The following NELL1 variants were observed in gnomAD, a reference collection of about 807,000 sequenced individuals.
NELL1 encodes the protein protein kinase C-binding protein NELL1.
NELL1 carries 76 observed loss-of-function variants against 107.4 expected under a neutral mutation model. That is an observed-to-expected ratio of 0.71 (90% CI 0.59 to 0.86). NELL1 has a LOEUF of 0.86. Ranked by LOEUF, NELL1 falls within the 40% of genes least tolerant of loss-of-function variation. The pLI, the probability that NELL1 is intolerant of heterozygous loss-of-function variation, is 0.00. For missense variants in NELL1, 1,024 were observed against 1,005.5 expected (o/e 1.02, Z -0.25); for synonymous variants, 353 against 341.2 (o/e 1.03, Z -0.38).
chr11:21,139,794 A>G (rs995449302), intron 13 of NELL1, among the ~76,000 whole-genome samples: 1 of 152,184 alleles, frequency 6.6e-6, no homozygotes, highest in Non-Finnish European at 1.5e-5. Context: ...AAAATAAACA[A>G]TAAGGAAGCT....
At chr11:21,559,384 A>G (rs1472298716) in intron 16 of NELL1, among the ~76,000 whole-genome samples, 2 of 152,084 alleles carry the variant, frequency 1.3e-5, no homozygotes, top group Non-Finnish European at 2.9e-5. Flanking sequence ...CCTTTTGGGG[A>G]AGGACTTAAG....
At chr11:21,480,200 G>T (rs1325317723) in intron 15 of NELL1, among the ~76,000 whole-genome samples, 1 of 152,188 alleles carries the variant, frequency 6.6e-6, no homozygotes, top group African/African-American at 2.4e-5. Flanking sequence ...AGTATAATGA[G>T]AAGTTTTCCT....
chr11:20,969,103 T>G (rs1293930288), intron 12 of NELL1, among the ~76,000 whole-genome samples: 2 of 152,178 alleles, frequency 1.3e-5, no homozygotes, highest in Non-Finnish European at 2.9e-5. Flanking sequence ...CTAGCTTCAG[T>G]TGATTGTGCT....
At chr11:20,944,594 C>T (rs561965039) in intron 10 of NELL1, among the ~76,000 whole-genome samples, 1 of 152,148 alleles carries the variant, frequency 6.6e-6, no homozygotes, top group South Asian at 2.1e-4. Context: ...CGCAGAACTC[C>T]AGGGGTCATA....
chr11:20,828,719 C>T (rs929271676), intron 3 of NELL1, among the ~76,000 whole-genome samples: 1 of 152,204 alleles, frequency 6.6e-6, no homozygotes, highest in African/African-American at 2.4e-5. Flanking sequence ...GTTTTATGCT[C>T]ATCATTTGTT....
intron 12 of NELL1, among the ~76,000 whole-genome samples, chr11:21,005,280 TG>T (rs1852305255): frequency 6.6e-6 from 1 of 152,218 alleles, no homozygotes; most frequent in South Asian, 2.1e-4. Flanking sequence ...TCCAGAGCAT[TG>T]TAGACAATTA....
intron 15 of NELL1, among the ~76,000 whole-genome samples, chr11:21,497,681 TATC>T (rs1174904688): frequency 1.3e-5 from 2 of 152,218 alleles, no homozygotes; most frequent in Admixed American, 6.5e-5. Context: ...ATAAATCAAA[TATC>T]ATATATTATA....
intron 15 of NELL1, among the ~76,000 whole-genome samples, chr11:21,383,210 A>T (rs1009626602): frequency 6.6e-6 from 1 of 152,000 alleles, no homozygotes; most frequent in African/African-American, 2.4e-5. Flanking sequence ...TGAATTGATT[A>T]ATCAAACAGC....
intron 14 of NELL1, among the ~76,000 whole-genome samples, chr11:21,269,752 A>T (rs765324119): frequency 4.6e-5 from 7 of 151,408 alleles, no homozygotes; most frequent in Non-Finnish European, 1.0e-4. Flanking sequence ...AAGAAAGAGC[A>T]TCAGCGAAAG....
chr11:21,213,453 C>G (rs539275206), intron 13 of NELL1, among the ~76,000 whole-genome samples: 1 of 151,874 alleles, frequency 6.6e-6, no homozygotes, highest in Non-Finnish European at 1.5e-5. Context: ...TTTATAGATA[C>G]TGTAATCAAT....
At chr11:21,074,634 A>G (rs975258851) in intron 12 of NELL1, among the ~76,000 whole-genome samples, 1 of 151,426 alleles carries the variant, frequency 6.6e-6, no homozygotes, top group African/African-American at 2.4e-5. Context: ...TCAGTCCTCC[A>G]GAGATACTGA....
chr11:20,753,541 A>G (rs1219877700), intron 2 of NELL1, among the ~76,000 whole-genome samples: 26 of 152,068 alleles, frequency 1.7e-4, no homozygotes, highest in Non-Finnish European at 8.8e-5. Flanking sequence ...ATTTTCTTGT[A>G]ATTTGTATTT....
rs563461674 is a variant in NELL1, at chr11:20,691,642, T to C, written c.184+13582T>C. ...CATCCCAGGGATGAAGCCAACTTGA[T>C]CATGGTGGATAAGCTTTTTGATGTG... On this transcript the variant is annotated intron_variant, in intron 2 of 19. Transcript: ENST00000357134. Among the ~76,000 whole-genome samples, 1,059 of 152,092 alleles carry C rather than the reference T, an allele frequency of 7.0e-3. 6 individuals carry two copies. The highest frequency in any genetic ancestry group is 0.024 in the African/African-American group (1,010 of 41,426).
intron 16 of NELL1, among the ~76,000 whole-genome samples, chr11:21,549,514 T>C (rs1392524599): frequency 6.6e-6 from 1 of 151,890 alleles, no homozygotes; most frequent in African/African-American, 2.4e-5. Flanking sequence ...GTGTCTGTTT[T>C]ACTTGCTGTC....
intron 14 of NELL1, among the ~76,000 whole-genome samples, chr11:21,330,409 C>T (rs1241222946): frequency 6.6e-6 from 1 of 152,074 alleles, no homozygotes; most frequent in Non-Finnish European, 1.5e-5. Context: ...ATTGCAAGTG[C>T]CTTTACTAGC....
chr11:21,032,875 C>A (rs542907585), intron 12 of NELL1, among the ~76,000 whole-genome samples: 2 of 152,310 alleles, frequency 1.3e-5, no homozygotes, highest in South Asian at 4.1e-4. Flanking sequence ...AATCTTTCTT[C>A]CTGGCTTGCT....
intron 12 of NELL1, among the ~76,000 whole-genome samples, chr11:21,000,725 T>G (rs1198638264): frequency 3.3e-5 from 5 of 152,216 alleles, no homozygotes; most frequent in Admixed American, 2.6e-4. Flanking sequence ...TAGACATTTC[T>G]GAAGTTAAAT....
intron 11 of NELL1, among the ~76,000 whole-genome samples, chr11:20,952,194 A>G (rs989997404): frequency 6.6e-6 from 1 of 152,108 alleles, no homozygotes; most frequent in African/African-American, 2.4e-5. Context: ...CTCTAATTGT[A>G]TCTTTAATGT....
chr11:21,015,974 T>A (rs930716714), intron 12 of NELL1, among the ~76,000 whole-genome samples: 9 of 151,842 alleles, frequency 5.9e-5, no homozygotes, highest in African/African-American at 2.2e-4. Context: ...GTCCGAGGGC[T>A]AAGCTGTAGG....
Sources: allele counts gnomAD v4.1 joint callset (sites outside exome capture counted in the v4.1 genomes callset), GRCh38; gene constraint gnomAD v4.1.1; transcripts MANE v1.5; gene names NCBI Gene and HGNC (gene_info 2026-07-23, HGNC 2026-07-21).